ERCC4: variants seen among roughly 807,000 people sequenced by gnomAD.
ERCC4 encodes DNA repair endonuclease XPF.
A neutral mutation model predicts 76.9 loss-of-function variants in ERCC4; 65 were observed. The ratio of observed to expected loss-of-function variants is 0.84; its 90% CI spans 0.69 to 1.04. The LOEUF is 1.04. ERCC4 is among the 50% of genes least tolerant of loss of function. The pLI, the probability that ERCC4 is intolerant of heterozygous loss-of-function variation, is 0.00. For missense variants in ERCC4, 1,214 were observed against 1,128.2 expected (o/e 1.08, Z -1.09); for synonymous variants, 463 against 410.1 (o/e 1.13, Z -1.56).
chr16:13,928,277 T>G (rs754532363), intron 4 of ERCC4, 42 bp downstream of exon 4: 4 of 1,332,104 alleles, frequency 3.0e-6, no homozygotes, highest in Non-Finnish European at 4.3e-6. Flanking sequence ...ATGTTGTAAT[T>G]TTAAAGAATG....
chr16:13,927,106 A>G (rs1367872342), intron 3 of ERCC4, among the ~76,000 whole-genome samples: 1 of 152,234 alleles, frequency 6.6e-6, no homozygotes, highest in East Asian at 1.9e-4. Context: ...ATTGGCTAAC[A>G]TTACCACTTC....
chr16:13,932,292 T>A lies in ERCC4; in HGVS notation c.1102+7T>A, dbSNP rs766826151. The A allele has an allele frequency of 1.8e-5, 29 of 1,607,580 alleles. No individual in the cohort carries two copies. Among genetic ancestry groups the A allele is most frequent in the Non-Finnish European group, 1.4e-5 (16 of 1,175,210 alleles). ...GAAATTAAAGAAGGGGAAGGTATCT[T>A]GTGGGGTTAAGTCTTTAAATGTGTT... On this transcript the variant is annotated splice_region_variant and intron_variant, in intron 6 of 10. Transcript: ENST00000311895.
rs1234856735 is a variant in ERCC4 at position 13,920,292 on chromosome 16, C to T, written c.127C>T (p.Arg43Trp). The change falls in exon 1 of 11, where the codon CGG becomes TGG. Residue 43 changes from arginine to tryptophan, a missense_variant. Physicochemically the swap from Arg to Trp is moderately radical, Grantham distance 101 (BLOSUM62 -3). Coordinates refer to ENST00000311895, the MANE Select transcript of ERCC4 (RefSeq NM_005236.3). ...GTGCGCCCGCGGGCTCGGCGCGGAC[C>T]GGCTCCTCTACCACTTTCTCCAGCT... The part of the protein sequence containing the change: ...VVCARGLGAD[R>W]LLYHFLQLHC... The T allele has an allele frequency of 1.2e-6, 2 of 1,604,544 alleles. No individual in the cohort carries two copies. Among genetic ancestry groups the T allele is most frequent in the Admixed American group, 1.7e-5 (1 of 59,988 alleles).
intron 9 of ERCC4, chr16:13,944,230 A>G (rs2032472324): frequency 6.4e-6 from 1 of 156,706 alleles, no homozygotes; most frequent in African/African-American, 2.4e-5. Context: ...AGGGTGTTTA[A>G]TGGGACCTCC....
In ERCC4 at chr16:13,949,964, A is replaced by G; in HGVS notation, c.*1617A>G. On this transcript the variant is annotated 3_prime_UTR_variant, in exon 11 of 11. Coordinates refer to ENST00000311895, the MANE Select transcript of ERCC4 (RefSeq NM_005236.3). ...TGTCTTCAACTTTAACAAAATTGTC[A>G]TTGTTATTTTTTTTTGAGACAGAGT... 1 of 228,324 alleles carries G rather than the reference A, an allele frequency of 4.4e-6. No homozygotes were observed. Among genetic ancestry groups the G allele is most frequent in the Non-Finnish European group, 8.7e-6 (1 of 115,172 alleles). 14.1% of individuals were successfully genotyped at this position (228,324 alleles called of 1,614,324 possible). A position where few individuals can be genotyped will look rare whatever the true frequency, so the allele number is the denominator to read the frequency against.
rs775398434 is a variant in ERCC4 at position 13,935,362 on chromosome 16, G to A, written c.1430G>A (p.Arg477Gln). ...KRPKDPQNKE[R>Q]ASTKERTLKK... is the part of the protein sequence containing the mutation. ...CCTAAAGACCCCCAAAACAAAGAAC[G>A]GGCTTCTACCAAAGAAAGAACCCTC... is the stretch of plus-strand genomic sequence containing the variant. The change falls in exon 8 of 11, where the codon CGG becomes CAG. Residue 477 changes from arginine to glutamine, a missense_variant. By Grantham distance (43) the Arg-to-Gln change is conservative. Transcript: ENST00000311895. 5.0e-6 allele frequency: 8 copies of A among 1,606,602 alleles called. No individual in the cohort carries two copies. Among genetic ancestry groups the A allele is most frequent in the Middle Eastern group, 1.7e-4 (1 of 6,032 alleles).
In ERCC4 at chr16:13,949,516, G is replaced by GC. The variant is rs1415327284; in HGVS notation, c.*1171dup. The GC allele has an allele frequency of 1.3e-5, 3 of 232,932 alleles. No homozygotes were observed. Among genetic ancestry groups the GC allele is most frequent in the Non-Finnish European group, 2.5e-5 (3 of 117,912 alleles). 14.4% of individuals were successfully genotyped at this position (232,932 alleles called of 1,614,324 possible). ...TCTCTCTGTGAGGACTCAAATACAA[G>GC]CCAATGAGTGGCCCACTAAGCTTTT... is the stretch of plus-strand genomic sequence containing the variant. On this transcript the variant is annotated 3_prime_UTR_variant, in exon 11 of 11. Transcript: ENST00000311895.
At chr16:13,920,809 G>C (rs1160299810) in intron 1 of ERCC4, among the ~76,000 whole-genome samples, 2 of 151,954 alleles carry the variant, frequency 1.3e-5, no homozygotes, top group Non-Finnish European at 2.9e-5. Flanking sequence ...AGGGGATGCG[G>C]GTCCCTGACA....
chr16:13,940,893 TC>T (rs1177226136), intron 9 of ERCC4, among the ~76,000 whole-genome samples: 3 of 152,164 alleles, frequency 2.0e-5, no homozygotes, highest in African/African-American at 7.2e-5. Context: ...GTTAATCCTT[TC>T]CTGCACAGCG....
rs2031989730 is a variant in ERCC4 at position 13,922,162 on chromosome 16, A to C, written c.339A>C (p.Ile113=). The change falls in exon 2 of 11, where the codon ATA becomes ATC. Residue 113 remains isoleucine (I), a synonymous_variant. Transcript: ENST00000311895. ...QGGVIFATSR[I]LVVDFLTDRI... Reference sequence around the variant, plus strand: ...GTGTTATATTTGCGACAAGTAGGATACTTGTGGTTGACTTCTTGACTGATA... The same window carrying C: ...GTGTTATATTTGCGACAAGTAGGATCCTTGTGGTTGACTTCTTGACTGATA... 1 of 1,613,348 alleles carries C rather than the reference A, an allele frequency of 6.2e-7. No individual in the cohort carries two copies. The highest frequency in any genetic ancestry group is 1.7e-5 in the Admixed American group (1 of 60,024).
intron 6 of ERCC4, chr16:13,933,102 G>A: frequency 2.7e-6 from 1 of 376,596 alleles, no homozygotes; most frequent in South Asian, 2.0e-5. Flanking sequence ...GCGAGGTGAT[G>A]TGCACTTATC....
chr16:13,940,255 C>T (rs983508435), intron 9 of ERCC4, among the ~76,000 whole-genome samples: 11 of 151,948 alleles, frequency 7.2e-5, no homozygotes, highest in East Asian at 1.9e-4. Flanking sequence ...GGAGTGGTGG[C>T]GCATGCCTGT....
At chr16:13,934,171 G>C in intron 6 of ERCC4, 21 bp from the exon 7 acceptor site, 1 of 1,475,038 alleles carries the variant, frequency 6.8e-7, no homozygotes, top group Non-Finnish European at 9.5e-7. Context: ...CATAGAATGA[G>C]ATATTTTTAT....
At chr16:13,933,455 T>A (rs1037713496) in intron 6 of ERCC4, 1 of 153,458 alleles carries the variant, frequency 6.5e-6, no homozygotes, top group African/African-American at 2.4e-5. Context: ...ATGCCTGTAA[T>A]CCCAGTACTT....
At chr16:13,927,823 C>G in intron 3 of ERCC4, 1 of 551,190 alleles carries the variant, frequency 1.8e-6, no homozygotes, top group Non-Finnish European at 3.3e-6. Context: ...GTTTGCTGAC[C>G]CTTTCCTTAT....
chr16:13,936,397 GCCTTTCA>G (rs1322248890), intron 8 of ERCC4, among the ~76,000 whole-genome samples: 6 of 152,212 alleles, frequency 3.9e-5, no homozygotes, highest in African/African-American at 9.6e-5. Context: ...AACTAACACA[GCCTTTCA>G]GAGTAGAGAT....
At chr16:13,946,423 A>G (rs2032514553) in intron 10 of ERCC4, among the ~76,000 whole-genome samples, 1 of 152,246 alleles carries the variant, frequency 6.6e-6, no homozygotes, top group South Asian at 2.1e-4. Flanking sequence ...ACTGTAACAC[A>G]ATGGTAAGTA....
intron 7 of ERCC4, chr16:13,934,606 A>G: frequency 2.7e-6 from 1 of 373,996 alleles, no homozygotes; most frequent in South Asian, 2.5e-5. Flanking sequence ...TTAAAGATTG[A>G]GCTAATCTCT....
At chr16:13,927,960 A>G (rs2032101791) in intron 3 of ERCC4, 68 bp from the exon 4 acceptor site, 10 of 1,183,180 alleles carry the variant, frequency 8.5e-6, no homozygotes, top group Admixed American at 3.4e-5. Flanking sequence ...ATGGGGTGTT[A>G]AACCAAGACC....
Sources: allele counts gnomAD v4.1 joint callset (sites outside exome capture counted in the v4.1 genomes callset), GRCh38; gene constraint gnomAD v4.1.1; transcripts MANE v1.5; gene names NCBI Gene and HGNC (gene_info 2026-07-23, HGNC 2026-07-21).